The following NID2 variants were observed in gnomAD, a reference collection of about 807,000 sequenced individuals.
NID2 encodes the protein nidogen 2.
A neutral mutation model predicts 145.4 loss-of-function variants in NID2; 83 were observed. That is an observed-to-expected ratio of 0.57 (90% CI 0.48 to 0.69). The LOEUF (loss-of-function observed/expected upper bound fraction) is 0.69, where lower values mean the gene tolerates loss of function less well. Among genes scored for constraint, NID2 ranks in the 30% least tolerant of loss-of-function variants. NID2 has a pLI of 0.00. For missense variants in NID2, 1,807 were observed against 1,765.7 expected (o/e 1.02, Z -0.42); for synonymous variants, 739 against 701.3 (o/e 1.05, Z -0.85).
intron 3 of NID2, among the ~76,000 whole-genome samples, chr14:52,058,075 A>T (rs1892914046): frequency 6.6e-6 from 1 of 152,236 alleles, no homozygotes. Flanking sequence ...AATGTGAGCA[A>T]TGTTTATTAT....
intron 5 of NID2, among the ~76,000 whole-genome samples, chr14:52,044,963 A>C (rs1892434202): frequency 6.6e-6 from 1 of 152,154 alleles, no homozygotes; most frequent in Non-Finnish European, 1.5e-5. Flanking sequence ...AAGCTGAGGC[A>C]CAGTAGACTA....
chr14:52,007,053 T>C (rs944475299), intron 19 of NID2: 5 of 156,640 alleles, frequency 3.2e-5, no homozygotes, highest in Admixed American at 2.5e-4. Context: ...CTTAGTATTT[T>C]TAAAATATTT....
intron 3 of NID2, 36 bp from the exon 4 acceptor site, chr14:52,054,357 A>T: frequency 6.3e-7 from 1 of 1,578,574 alleles, no homozygotes; most frequent in South Asian, 1.2e-5. Flanking sequence ...TAACAAATGT[A>T]ACAAAAGTGT....
intron 16 of NID2, 96 bp from the exon 17 acceptor site, chr14:52,011,779 C>A: frequency 7.1e-7 from 1 of 1,410,946 alleles, no homozygotes; most frequent in Non-Finnish European, 9.9e-7. Context: ...CAGTGAGCAA[C>A]ACTGCACTGT....
At chr14:52,018,989 G>A in intron 14 of NID2, 72 bp downstream of exon 14, 1 of 1,172,756 alleles carries the variant, frequency 8.5e-7, no homozygotes, top group Non-Finnish European at 1.2e-6. Flanking sequence ...GTGCCTGCGT[G>A]GTCTGGGCAG....
chr14:52,032,357 G>A (rs1384996551), intron 9 of NID2, among the ~76,000 whole-genome samples: 1 of 152,194 alleles, frequency 6.6e-6, no homozygotes, highest in Non-Finnish European at 1.5e-5. Flanking sequence ...TAAACCTGAT[G>A]AACTATGTCA....
In NID2 at chr14:52,005,753, G is replaced by T; in HGVS notation, c.4101C>A (p.Tyr1367Ter). The T allele has an allele frequency of 6.2e-7, 1 of 1,612,522 alleles. No individual in the cohort carries two copies. The highest frequency in any genetic ancestry group is 8.5e-7 in the Non-Finnish European group (1 of 1,178,534). ...ACTTTTTACCTGTTGGGCAGTAGGGGTAGACTGCAGTTATCCCGTAGAGGT... is the reference window on the plus strand; with the variant it reads ...ACTTTTTACCTGTTGGGCAGTAGGGTTAGACTGCAGTTATCCCGTAGAGGT... ...RSHLYGITAVYPYCPTGRK is the reference protein window; with the variant it reads ...RSHLYGITAV Residue 1367 changes from tyrosine (Y) to a stop codon, truncating the protein, a stop_gained, in exon 21 of 22, where the codon TAC becomes TAA. Coordinates refer to ENST00000216286, the MANE Select transcript of NID2 (RefSeq NM_007361.4). LOFTEE classifies it high-confidence loss of function.
At chr14:52,047,616 G>C (rs1414938949) in intron 5 of NID2, among the ~76,000 whole-genome samples, 1 of 152,136 alleles carries the variant, frequency 6.6e-6, no homozygotes, top group Non-Finnish European at 1.5e-5. Flanking sequence ...GGATAAGAAG[G>C]GCCCAGGTCT....
At chr14:52,037,253 T>C (rs1231022327) in intron 9 of NID2, among the ~76,000 whole-genome samples, 1 of 126,798 alleles carries the variant, frequency 7.9e-6, no homozygotes, top group Non-Finnish European at 1.7e-5. Flanking sequence ...TGAATTGTTT[T>C]GGCACTGTGT....
In NID2 at chr14:52,011,594, A is replaced by G. The variant is rs1595001168; in HGVS notation, c.3510T>C (p.Gly1170=). The part of the protein sequence containing the change: ...DVAGRTISRA[G]LELGAEPETI... ...TCTCAGGCTCTGCTCCCAGTTCCAGACCAGCACGGCTGATTGTCCGTCCAG... is the reference window on the plus strand; with the variant it reads ...TCTCAGGCTCTGCTCCCAGTTCCAGGCCAGCACGGCTGATTGTCCGTCCAG... The change falls in exon 17 of 22, where the codon GGT becomes GGC. Residue 1170 remains glycine, a synonymous_variant. Coordinates refer to ENST00000216286, the MANE Select transcript of NID2 (RefSeq NM_007361.4). 5 of 1,614,128 alleles carry G rather than the reference A, an allele frequency of 3.1e-6. No homozygotes were observed. The South Asian group carries it at 4.4e-5, about 14-fold the overall frequency.
chr14:52,010,398 T>C (rs1001455425), intron 18 of NID2: 1 of 153,042 alleles, frequency 6.5e-6, no homozygotes, highest in African/African-American at 2.4e-5. Context: ...AGGGAAAATG[T>C]TTATCTTGAT....
chr14:52,019,992 G>A, intron 13 of NID2, 67 bp downstream of exon 13: 2 of 1,588,500 alleles, frequency 1.3e-6, no homozygotes, highest in South Asian at 1.1e-5. Flanking sequence ...AGAGTGGGCT[G>A]TCATAGAAAA....
rs767903873 is a variant in NID2, at chr14:52,005,770, C to T, written c.4084G>A (p.Gly1362Arg). ...CAGTAGGGGTAGACTGCAGTTATCC[C>T]GTAGAGGTGAGATCGTTGTTCTGGG... ...YLPEQRSHLY[G>R]ITAVYPYCPT... The change falls in exon 21 of 22, where the codon GGG becomes AGG. Residue 1362 changes from glycine (G) to arginine (R), a missense_variant. Coordinates refer to ENST00000216286, the MANE Select transcript of NID2 (RefSeq NM_007361.4). 12 of 1,613,810 alleles carry T rather than the reference C, an allele frequency of 7.4e-6. No individual in the cohort carries two copies. Among genetic ancestry groups the T allele is most frequent in the Non-Finnish European group, 9.3e-6 (11 of 1,179,756 alleles).
rs768890899 is a variant in NID2, at chr14:52,011,041, A to C, written c.3557T>G (p.Ile1186Arg). 6 of 1,613,076 alleles carry C rather than the reference A, an allele frequency of 3.7e-6. No homozygotes were observed. The African/African-American group carries it at 5.3e-5, about 14-fold the overall frequency. The change falls in exon 18 of 22, where the codon ATA becomes AGA. Residue 1186 changes from isoleucine to arginine, a missense_variant. Transcript: ENST00000216286. Reference protein sequence around the residue: ...EPETIVNSGLISPEGLAIDHI... With the variant: ...EPETIVNSGLRSPEGLAIDHI... ...GTCTATGGCAAGTCCTTCAGGGCTTATCAGACCTGGAAATAAAGCAAAGTC... is the reference window on the plus strand; with the variant it reads ...GTCTATGGCAAGTCCTTCAGGGCTTCTCAGACCTGGAAATAAAGCAAAGTC...
At chr14:52,007,664 A>T in intron 19 of NID2, 146 bp downstream of exon 19, 1 of 741,962 alleles carries the variant, frequency 1.3e-6, no homozygotes, top group Non-Finnish European at 2.3e-6. Context: ...CTCATTTACT[A>T]GTACTTAAAT....
chr14:52,067,827 C>G lies in NID2; in HGVS notation c.534+31G>C, dbSNP rs777993943. 2.5e-6 allele frequency: 4 copies of G among 1,609,632 alleles called. No homozygotes were observed. In the South Asian group the frequency reaches 4.4e-5, roughly 18 times the overall value. On this transcript the variant is annotated intron_variant, in intron 2 of 21. Coordinates refer to ENST00000216286, the MANE Select transcript of NID2 (RefSeq NM_007361.4). ...AGAATTTAAGCCCATCCTTCAATTT[C>G]CTCAGCAGTCAAATATCCCTGGTCA... is the stretch of plus-strand genomic sequence containing the variant.
rs1344195019 is a variant in NID2, at chr14:52,068,025, G to A, written c.367C>T (p.Leu123=). The A allele has an allele frequency of 6.2e-7, 1 of 1,613,982 alleles. No individual in the cohort carries two copies. The highest frequency in any genetic ancestry group is 8.5e-7 in the Non-Finnish European group (1 of 1,179,932). Residue 123 remains leucine, a synonymous_variant, in exon 2 of 22, where the codon CTG becomes TTG. Coordinates refer to ENST00000216286, the MANE Select transcript of NID2 (RefSeq NM_007361.4). ...IDTSHGRGRV[L]YREDTSPAVL... The stretch of plus-strand genomic sequence containing the variant: ...GCGGGGGAGGTGTCCTCTCGGTACA[G>A]GACTCGGCCTCTGCCGTGGCTCGTG...
At chr14:52,053,490 C>T in intron 5 of NID2, 89 bp downstream of exon 5, 2 of 1,393,460 alleles carry the variant, frequency 1.4e-6, no homozygotes, top group Non-Finnish European at 2.0e-6. Context: ...AAACTTTTCA[C>T]CTACCCACTT....
chr14:52,060,513 C>A (rs1892994521), intron 2 of NID2, among the ~76,000 whole-genome samples, 157 bp from the exon 3 acceptor site: 1 of 152,120 alleles, frequency 6.6e-6, no homozygotes, highest in South Asian at 2.1e-4. Flanking sequence ...TAAACATAAC[C>A]TTCTTTAAAA....
Sources: gnomAD v4.1 joint callset for allele counts (sites outside exome capture counted in the v4.1 genomes callset) on GRCh38, gnomAD v4.1.1 for gene constraint, MANE v1.5 for transcripts, NCBI Gene and HGNC (gene_info 2026-07-23, HGNC 2026-07-21) for gene names.